GOT1L1: variants seen among roughly 807,000 people sequenced by gnomAD.
GOT1L1 encodes the protein glutamic-oxaloacetic transaminase 1 like 1.
A neutral mutation model predicts 43.6 loss-of-function variants in GOT1L1; 38 were observed. That is an observed-to-expected ratio of 0.87 (90% CI 0.67 to 1.14). The LOEUF is 1.14. GOT1L1 is among the 50% of genes most tolerant of loss of function. GOT1L1 has a pLI of 0.00. For missense variants in GOT1L1, 482 were observed against 504.0 expected (o/e 0.96, Z 0.42); for synonymous variants, 183 against 187.2 (o/e 0.98, Z 0.18).
At position 37,936,763 on chromosome 8, in the gene GOT1L1, C is replaced by T; in HGVS notation, c.720G>A (p.Glu240=). 6.2e-7 allele frequency: 1 copy of T among 1,612,952 alleles called. No homozygotes were observed. The highest frequency in any genetic ancestry group is 1.1e-5 in the South Asian group (1 of 91,056). ...ILQYFVSQGF[E]FFCSQSLSKN... is the part of the protein sequence containing the mutation. ...TGGACAGAGACTGGCTGCAGAAGAA[C>T]TCAAAGCCTTGAGACACAAAGTATT... Residue 240 remains glutamate (E), a synonymous_variant, in exon 6 of 9, where the codon GAG becomes GAA. Transcript: ENST00000307599.
chr8:37,937,229 G>C, intron 4 of GOT1L1, 48 bp downstream of exon 4: 1 of 1,309,906 alleles, frequency 7.6e-7, no homozygotes, highest in Admixed American at 2.1e-5. Flanking sequence ...AGGAACATTA[G>C]GCTGTAAGTC....
chr8:37,939,245 T>A (rs1055860601), intron 1 of GOT1L1, among the ~76,000 whole-genome samples: 1 of 150,592 alleles, frequency 6.6e-6, no homozygotes, highest in African/African-American at 2.4e-5. Flanking sequence ...TGAAACCCTG[T>A]CTCTACAAAA....
In GOT1L1 at chr8:37,937,316, C is replaced by T. The variant is rs1378142637; in HGVS notation, c.480G>A (p.Lys160=). ...GGAGTATGTCGGGGTCCATGCATAGCTTCTTGGGGTCCCAGACAGAGTATT... is the reference window on the plus strand; with the variant it reads ...GGAGTATGTCGGGGTCCATGCATAGTTTCTTGGGGTCCCAGACAGAGTATT... The part of the protein sequence containing the change: ...VYEYSVWDPK[K]LCMDPDILLN... Residue 160 remains lysine, a synonymous_variant, in exon 4 of 9, where the codon AAG becomes AAA. Coordinates refer to ENST00000307599, the MANE Select transcript of GOT1L1 (RefSeq NM_152413.3). The T allele has an allele frequency of 6.2e-7, 1 of 1,610,218 alleles. No individual in the cohort carries two copies. The highest frequency in any genetic ancestry group is 1.1e-5 in the South Asian group (1 of 90,222).
rs1807765211 is a variant in GOT1L1 at position 37,936,713 on chromosome 8, A to G, written c.763+7T>C. The G allele has an allele frequency of 6.2e-7, 1 of 1,608,520 alleles. No homozygotes were observed. Among genetic ancestry groups the G allele is most frequent in the Non-Finnish European group, 8.5e-7 (1 of 1,175,524 alleles). On this transcript the variant is annotated splice_region_variant and intron_variant, in intron 6 of 8. Coordinates refer to ENST00000307599, the MANE Select transcript of GOT1L1 (RefSeq NM_152413.3). ...ACAGACCCTCCCTTCTTCTGCCTGT[A>G]CCATACCATAAATGCCAAAATTCTT...
rs1471159102 is a variant in GOT1L1 at position 37,939,430 on chromosome 8, AAATATATATATATATAT to A, written c.115+468_115+484del. Among the ~76,000 whole-genome samples the A allele has an allele frequency of 5.4e-3, 320 of 59,446 alleles. 22 individuals carry two copies. Among genetic ancestry groups the A allele is most frequent in the South Asian group, 0.053 (63 of 1,198 alleles). 39.0% of individuals were successfully genotyped at this position (59,446 alleles called of 152,430 possible). A position where few individuals can be genotyped will look rare whatever the true frequency, so the allele number is the denominator to read the frequency against. Reference sequence around the variant, plus strand: ...CCCTGTCTCAAGAAAAAAAAAAAAAAAATATATATATATATATATATATATATATATATATATATATA... The same window carrying A: ...CCCTGTCTCAAGAAAAAAAAAAAAAAATATATATATATATATATATATATA... On this transcript the variant is annotated intron_variant, in intron 1 of 8. Coordinates refer to ENST00000307599, the MANE Select transcript of GOT1L1 (RefSeq NM_152413.3).
chr8:37,939,431 A>AAAAATAT (rs1237987679), intron 1 of GOT1L1, among the ~76,000 whole-genome samples: 24 of 41,694 alleles, frequency 5.8e-4, no homozygotes, highest in Non-Finnish European at 1.0e-3. Context: ...AAAAAAAAAA[A>AAAAATAT]ATATATATAT....
rs753561204 is a variant in GOT1L1, at chr8:37,935,170, C to G, written c.975G>C (p.Lys325Asn). The change falls in exon 8 of 9, where the codon AAG becomes AAC. Residue 325 changes from lysine to asparagine, a missense_variant. Transcript: ENST00000307599. ...KEVVENIMLT[K>N]EKVKEKLQLL... is the part of the protein sequence containing the mutation. ...GCTGGAGTTTCTCCTTCACTTTTTC[C>G]TTGGTTAGCATGATGTTCTCTACAA... 6.2e-7 allele frequency: 1 copy of G among 1,609,986 alleles called. No individual in the cohort carries two copies. Among genetic ancestry groups the G allele is most frequent in the Non-Finnish European group, 8.5e-7 (1 of 1,178,082 alleles).
chr8:37,937,246 A>G, intron 4 of GOT1L1, 31 bp downstream of exon 4: 2 of 1,398,408 alleles, frequency 1.4e-6, no homozygotes, highest in Non-Finnish European at 2.0e-6. Flanking sequence ...AGTCAGCTCT[A>G]GGGAGGAGTT....
At position 37,937,756 on chromosome 8, in the gene GOT1L1, GCA is replaced by G; in HGVS notation, c.298-9_298-8del. 1 of 1,598,360 alleles carries G rather than the reference GCA, an allele frequency of 6.3e-7. No individual in the cohort carries two copies. Among genetic ancestry groups the G allele is most frequent in the Non-Finnish European group, 8.6e-7 (1 of 1,168,594 alleles). ...CAGTGTGTACACCCCCTACCTGCCA[GCA>G]AGACATAGACACAAATAGGCCAGGT... On this transcript the variant is annotated splice_polypyrimidine_tract_variant and splice_region_variant and intron_variant, in intron 2 of 8. Transcript: ENST00000307599.
chr8:37,939,160 A>C (rs1807845316), intron 1 of GOT1L1, among the ~76,000 whole-genome samples: 1 of 152,058 alleles, frequency 6.6e-6, no homozygotes, highest in South Asian at 2.1e-4. Context: ...CAGGCCTGTA[A>C]TCCCAGCACT....
At chr8:37,937,424 A>G (rs375320348) in intron 3 of GOT1L1, 38 bp from the exon 4 acceptor site, 1 of 1,371,902 alleles carries the variant, frequency 7.3e-7, no homozygotes, top group South Asian at 1.3e-5. Flanking sequence ...GGTACATGGG[A>G]AACAGAGAGA....
Position 37,935,146 on chromosome 8 carries a change from C to T in GOT1L1, c.999G>A (p.Gln333=). 6.2e-7 allele frequency: 1 copy of T among 1,612,888 alleles called. No individual in the cohort carries two copies. Among genetic ancestry groups the T allele is most frequent in the Non-Finnish European group, 8.5e-7 (1 of 1,179,418 alleles). Residue 333 remains glutamine, a synonymous_variant, in exon 8 of 9, where the codon CAG becomes CAA. Coordinates refer to ENST00000307599, the MANE Select transcript of GOT1L1 (RefSeq NM_152413.3). ...CCCAGGACCCAGGGGTTCCCAGGAG[C>T]TGGAGTTTCTCCTTCACTTTTTCCT... ...LTKEKVKEKL[Q]LLGTPGSWGH...
At position 37,935,916 on chromosome 8, in the gene GOT1L1, C is replaced by T. The variant is rs1344371686; in HGVS notation, c.764-47G>A. 1.9e-6 allele frequency: 3 copies of T among 1,586,154 alleles called. No homozygotes were observed. In the Admixed American group the frequency reaches 5.5e-5, roughly 29 times the overall value. ...CTCAGCCTCAGCCCCTTCCTCCACT[C>T]CCAAGGCCTTCACCTAGATCTCAAC... On this transcript the variant is annotated intron_variant, in intron 6 of 8. Coordinates refer to ENST00000307599, the MANE Select transcript of GOT1L1 (RefSeq NM_152413.3).
At chr8:37,939,431 A>AATATATATATATATAT (rs1188997870) in intron 1 of GOT1L1, among the ~76,000 whole-genome samples, 9 of 41,696 alleles carry the variant, frequency 2.2e-4, no homozygotes, top group Admixed American at 6.0e-4. Flanking sequence ...AAAAAAAAAA[A>AATATATATATATATAT]ATATATATAT....
In GOT1L1 at chr8:37,937,405, C is replaced by A. The variant is rs1807792247; in HGVS notation, c.410-19G>T. 6.7e-7 allele frequency: 1 copy of A among 1,490,656 alleles called. No homozygotes were observed. The highest frequency in any genetic ancestry group is 1.3e-5 in the South Asian group (1 of 79,872). 92.3% of individuals were successfully genotyped at this position (1,490,656 alleles called of 1,614,324 possible). ...TGCAGTTCTGTGGGAACACAGCCCC[C>A]CACTAGCTGGTACATGGGAAACAGA... On this transcript the variant is annotated intron_variant, in intron 3 of 8. Transcript: ENST00000307599.
chr8:37,935,765 G>C lies in GOT1L1; in HGVS notation c.868C>G (p.Pro290Ala), dbSNP rs535323581. ...GTGATGACACGTGCACCCGTGTTGGGGGGGTTTAGCCACAGGGCCTGGGCT... is the reference window on the plus strand; with the variant it reads ...GTGATGACACGTGCACCCGTGTTGGCGGGGTTTAGCCACAGGGCCTGGGCT... ...GLAQALWLNP[P>A]NTGARVITSI... The change falls in exon 7 of 9, where the codon CCC (proline) becomes GCC (alanine). Residue 290 changes from proline to alanine, a missense_variant. Coordinates refer to ENST00000307599, the MANE Select transcript of GOT1L1 (RefSeq NM_152413.3). 6.2e-7 allele frequency: 1 copy of C among 1,612,058 alleles called. No individual in the cohort carries two copies. The highest frequency in any genetic ancestry group is 1.7e-5 in the Admixed American group (1 of 59,740).
intron 3 of GOT1L1, 116 bp downstream of exon 3, chr8:37,937,522 G>A: frequency 2.0e-6 from 2 of 1,016,880 alleles, no homozygotes; most frequent in Non-Finnish European, 3.0e-6. Flanking sequence ...AGCTTGGCTT[G>A]TCTGCCATTT....
chr8:37,936,301 C>A (rs1015280395), intron 6 of GOT1L1, among the ~76,000 whole-genome samples: 3 of 151,878 alleles, frequency 2.0e-5, no homozygotes, highest in Non-Finnish European at 2.9e-5. Context: ...TGTGTACCAC[C>A]ATGCCCGACT....
rs1260063056 is a variant in GOT1L1, at chr8:37,938,808, A to G, written c.189T>C (p.Asp63=). 6.2e-7 allele frequency: 1 copy of G among 1,613,644 alleles called. No individual in the cohort carries two copies. Among genetic ancestry groups the G allele is most frequent in the African/African-American group, 1.3e-5 (1 of 74,906 alleles). ...GCAAGTACTCATAATTCAGGGAGGG[A>G]TCCTGTGAAATCTGTAGTCGAGTCT... The part of the protein sequence containing the change: ...VQKTRLQISQ[D]PSLNYEYLPT... Residue 63 remains aspartate, a synonymous_variant, in exon 2 of 9, where the codon GAT becomes GAC. Transcript: ENST00000307599.
Sources: gnomAD v4.1 joint callset for allele counts (sites outside exome capture counted in the v4.1 genomes callset) on GRCh38, gnomAD v4.1.1 for gene constraint, MANE v1.5 for transcripts, NCBI Gene and HGNC (gene_info 2026-07-23, HGNC 2026-07-21) for gene names.